Variants in DGKB observed in about 807,000 individuals in gnomAD.
The protein encoded by DGKB is diacylglycerol kinase beta.
DGKB carries 67 observed loss-of-function variants against 114.3 expected under a neutral mutation model. The observed-to-expected ratio is 0.59, with a 90% CI of 0.48 to 0.72. The LOEUF (loss-of-function observed/expected upper bound fraction) is 0.72. Among genes scored for constraint, DGKB ranks in the 30% least tolerant of loss-of-function variants. The pLI is 0.00. For missense variants in DGKB, 907 were observed against 975.2 expected (o/e 0.93, Z 0.93); for synonymous variants, 398 against 323.1 (o/e 1.23, Z -2.49).
chr7:14,902,327 T>C (rs1783223159), intron 1 of DGKB, among the ~76,000 whole-genome samples: 1 of 152,176 alleles, frequency 6.6e-6, no homozygotes, highest in Non-Finnish European at 1.5e-5. Flanking sequence ...AGAAAACATT[T>C]ATCAGTTATG....
intron 14 of DGKB, among the ~76,000 whole-genome samples, chr7:14,623,405 A>G (rs1284918091): frequency 6.6e-6 from 1 of 152,210 alleles, no homozygotes; most frequent in Non-Finnish European, 1.5e-5. Flanking sequence ...TTTTACATGT[A>G]AAGGGTATTT....
At chr7:14,630,010 T>G (rs796651171) in intron 14 of DGKB, among the ~76,000 whole-genome samples, 18 of 152,210 alleles carry the variant, frequency 1.2e-4, no homozygotes, top group African/African-American at 4.3e-4. Context: ...CATAACTTCT[T>G]GTTTTCTTAA....
At chr7:14,166,497 G>A (rs1476573874) in intron 25 of DGKB, among the ~76,000 whole-genome samples, 1 of 152,164 alleles carries the variant, frequency 6.6e-6, no homozygotes, top group Non-Finnish European at 1.5e-5. Context: ...CAATCTGATG[G>A]AGAGAATTTA....
chr7:14,948,682 T>C (rs1786012452), intron 1 of DGKB, among the ~76,000 whole-genome samples: 1 of 151,816 alleles, frequency 6.6e-6, no homozygotes, highest in Admixed American at 6.6e-5. Context: ...ATTTCCAATC[T>C]ACTACCAATT....
chr7:14,499,655 T>C (rs141470973), intron 20 of DGKB, among the ~76,000 whole-genome samples: 2 of 151,902 alleles, frequency 1.3e-5, no homozygotes, highest in African/African-American at 2.4e-5. Flanking sequence ...ACACCTTAAA[T>C]GGAATGATTT....
chr7:14,744,055 C>A (rs775539248), intron 4 of DGKB, among the ~76,000 whole-genome samples: 17 of 152,016 alleles, frequency 1.1e-4, no homozygotes, highest in Admixed American at 7.2e-4. Context: ...TTTTTAAAAC[C>A]TTTTGCTTGA....
chr7:14,662,074 A>G (rs531211444), intron 13 of DGKB, among the ~76,000 whole-genome samples: 1 of 152,194 alleles, frequency 6.6e-6, no homozygotes, highest in South Asian at 2.1e-4. Flanking sequence ...GTTAGGGGAG[A>G]GGGATATCAA....
intron 23 of DGKB, among the ~76,000 whole-genome samples, chr7:14,283,785 T>C (rs1800360760): frequency 6.6e-6 from 1 of 152,120 alleles, no homozygotes; most frequent in African/African-American, 2.4e-5. Context: ...ATTTAATAAA[T>C]GGTGCTGGGA....
chr7:14,768,021 A>T (rs1416363500), intron 2 of DGKB, among the ~76,000 whole-genome samples: 3 of 151,992 alleles, frequency 2.0e-5, no homozygotes, highest in Admixed American at 6.6e-5. Flanking sequence ...AGCTCTCTGT[A>T]CACTTACCAA....
chr7:14,560,887 T>C (rs748959134), intron 20 of DGKB, among the ~76,000 whole-genome samples: 2 of 152,240 alleles, frequency 1.3e-5, no homozygotes, highest in Non-Finnish European at 2.9e-5. Context: ...ATAGCCATTC[T>C]AGCAGGTATG....
chr7:14,905,755 T>C (rs1783672407), upstream of DGKB, among the ~76,000 whole-genome samples: 1 of 152,222 alleles, frequency 6.6e-6, no homozygotes. Context: ...GTTTGCTTAG[T>C]TCATTCATGC....
intron 6 of DGKB, among the ~76,000 whole-genome samples, chr7:14,704,577 G>A (rs1426478193): frequency 2.6e-5 from 4 of 151,868 alleles, no homozygotes; most frequent in East Asian, 1.9e-4. Context: ...TTCCATCTGA[G>A]CTTTGAAGGG....
At chr7:14,675,960 G>T (rs1470409539) in intron 12 of DGKB, among the ~76,000 whole-genome samples, 1 of 151,962 alleles carries the variant, frequency 6.6e-6, no homozygotes, top group Non-Finnish European at 1.5e-5. Flanking sequence ...TTGTATGACA[G>T]GTTTAGTTTA....
intron 21 of DGKB, among the ~76,000 whole-genome samples, chr7:14,457,601 C>A (rs542288436): frequency 6.6e-6 from 1 of 152,150 alleles, no homozygotes; most frequent in African/African-American, 2.4e-5. Flanking sequence ...ATTTCCAATG[C>A]TGCAATTAAG....
chr7:14,743,283 CT>C (rs1832819047), intron 4 of DGKB, among the ~76,000 whole-genome samples: 1 of 152,068 alleles, frequency 6.6e-6, no homozygotes, highest in Admixed American at 6.5e-5. Flanking sequence ...TTTCATGTGC[CT>C]TGTAAATAGA....
chr7:14,430,343 C>A lies in DGKB; in HGVS notation c.1835+47818G>T, dbSNP rs1285809727. 2.6e-5 allele frequency among the ~76,000 whole-genome samples: 4 copies of A among 152,104 alleles called. No homozygotes were observed. The East Asian group carries it at 5.8e-4, about 22-fold the overall frequency. On this transcript the variant is annotated intron_variant, in intron 21 of 25. Transcript: ENST00000402815. ...TTTTTGAGATCCATGTGACTTATAT[C>A]TATATTTTCATATCATTAAAATATT...
At chr7:14,945,457 CTTTGT>C (rs146727905) in intron 1 of DGKB, among the ~76,000 whole-genome samples, 2,419 of 151,816 alleles carry the variant, frequency 0.016, 58 homozygotes, top group African/African-American at 0.049. Flanking sequence ...TGCCCACTTT[CTTTGT>C]TTTATCAATT....
chr7:14,892,965 T>C (rs1781513416), intron 1 of DGKB, among the ~76,000 whole-genome samples: 1 of 150,852 alleles, frequency 6.6e-6, no homozygotes, highest in South Asian at 2.1e-4. Flanking sequence ...TGTGTGTATA[T>C]ATACATACAT....
chr7:14,514,796 G>A (rs1349787442), intron 20 of DGKB, among the ~76,000 whole-genome samples: 1 of 152,108 alleles, frequency 6.6e-6, no homozygotes, highest in East Asian at 1.9e-4. Context: ...GCTCACACCT[G>A]TAATCTCAAC....
Sources: allele counts gnomAD v4.1 joint callset (sites outside exome capture counted in the v4.1 genomes callset), GRCh38; gene constraint gnomAD v4.1.1; transcripts MANE v1.5; gene names NCBI Gene and HGNC (gene_info 2026-07-23, HGNC 2026-07-21).